Variants in PCDH15 observed in about 807,000 individuals in gnomAD.
The protein encoded by PCDH15 is protocadherin related 15.
A neutral mutation model predicts 178.5 loss-of-function variants in PCDH15; 129 were observed. The observed-to-expected ratio is 0.72, with a 90% CI of 0.63 to 0.84. The LOEUF (loss-of-function observed/expected upper bound fraction) is 0.84. PCDH15 is among the 40% of genes least tolerant of loss of function. The pLI, the probability that PCDH15 is intolerant of heterozygous loss-of-function variation, is 0.00. For missense variants in PCDH15, 2,230 were observed against 2,099.9 expected (o/e 1.06, Z -1.21); for synonymous variants, 800 against 732.0 (o/e 1.09, Z -1.50).
intron 2 of PCDH15, among the ~76,000 whole-genome samples, chr10:55,592,826 G>C (rs894255448): frequency 4.0e-5 from 6 of 151,810 alleles, no homozygotes; most frequent in Non-Finnish European, 7.4e-5. Context: ...AATTAGATTT[G>C]CATTTCTTAT....
At chr10:55,238,008 T>G (rs1564920766) in intron 1 of PCDH15, among the ~76,000 whole-genome samples, 1 of 152,112 alleles carries the variant, frequency 6.6e-6, no homozygotes, top group Non-Finnish European at 1.5e-5. Flanking sequence ...TTTTATCATT[T>G]GAATTTAAAT....
At chr10:54,184,415 C>T (rs2016919) in intron 12 of PCDH15, among the ~76,000 whole-genome samples, 40,952 of 151,876 alleles carry the variant, frequency 0.27, 6,308 homozygotes, top group Non-Finnish European at 0.36. Context: ...GTCAACCCTA[C>T]TATACTTGTT....
chr10:54,173,094 G>A (rs2047074974), intron 13 of PCDH15, among the ~76,000 whole-genome samples: 1 of 152,090 alleles, frequency 6.6e-6, no homozygotes, highest in Admixed American at 6.6e-5. Flanking sequence ...TTTATCAAAT[G>A]GGAAACCTCA....
chr10:55,582,354 C>T (rs999141372), intron 2 of PCDH15, among the ~76,000 whole-genome samples: 2 of 151,972 alleles, frequency 1.3e-5, no homozygotes, highest in African/African-American at 2.4e-5. Flanking sequence ...TTCCTAGGAT[C>T]GCCTTCCCCA....
At chr10:55,621,879 TA>T (rs923636804) in intron 2 of PCDH15, among the ~76,000 whole-genome samples, 105 of 150,648 alleles carry the variant, frequency 7.0e-4, no homozygotes, top group African/African-American at 2.4e-3. Context: ...TATACTAACA[TA>T]TACATGATTT....
chr10:54,808,075 T>C (rs1391380994), intron 3 of PCDH15, among the ~76,000 whole-genome samples: 3 of 152,176 alleles, frequency 2.0e-5, no homozygotes, highest in Non-Finnish European at 4.4e-5. Context: ...TAGATGCATT[T>C]ATCTAAATAT....
chr10:53,948,568 TA>T (rs2134155230), intron 23 of PCDH15, among the ~76,000 whole-genome samples: 1 of 152,306 alleles, frequency 6.6e-6, no homozygotes, highest in African/African-American at 2.4e-5. Context: ...GCACAGCTAT[TA>T]AGCACCGGAG....
At chr10:54,235,490 C>T (rs1342099876) in intron 9 of PCDH15, among the ~76,000 whole-genome samples, 3 of 152,148 alleles carry the variant, frequency 2.0e-5, no homozygotes, top group Admixed American at 6.5e-5. Context: ...GCACATGCTG[C>T]ATTATCTATA....
chr10:55,377,118 A>T (rs532562490), intron 2 of PCDH15, among the ~76,000 whole-genome samples: 4 of 149,968 alleles, frequency 2.7e-5, no homozygotes, highest in African/African-American at 9.8e-5. Flanking sequence ...CTTCTTGGCT[A>T]TTAACTTTGT....
chr10:54,006,675 C>T (rs564253880), intron 20 of PCDH15, among the ~76,000 whole-genome samples: 2 of 152,238 alleles, frequency 1.3e-5, no homozygotes, highest in South Asian at 2.1e-4. Flanking sequence ...GTACTGGGCA[C>T]TGAGTTTTCA....
At chr10:54,574,725 T>A (rs1400703926) in intron 2 of PCDH15, among the ~76,000 whole-genome samples, 1 of 150,364 alleles carries the variant, frequency 6.7e-6, no homozygotes, top group Non-Finnish European at 1.5e-5. Context: ...GTTCAACCAT[T>A]GTGGAAGTCA....
At chr10:53,870,402 A>T (rs2079753403) in intron 26 of PCDH15, among the ~76,000 whole-genome samples, 1 of 152,128 alleles carries the variant, frequency 6.6e-6, no homozygotes, top group Non-Finnish European at 1.5e-5. Context: ...TACTGGAATT[A>T]AAAAAAATAA....
chr10:55,024,397 G>T lies in PCDH15; in HGVS notation c.-79-126897C>A, dbSNP rs1046025107. Among the ~76,000 whole-genome samples the T allele has an allele frequency of 2.2e-4, 33 of 147,402 alleles. 1 individual carries two copies. Among genetic ancestry groups the T allele is most frequent in the African/African-American group, 7.9e-4 (32 of 40,450 alleles). On this transcript the variant is annotated intron_variant, in intron 2 of 5. Coordinates refer to the PCDH15 transcript ENST00000458638. ...TGTGTGTGTACACAGATATACATCT[G>T]AATCAGATTTCATATATATATAGAA...
intron 37 of PCDH15, chr10:53,808,711 C>A (rs1447525275): frequency 5.6e-6 from 9 of 1,612,860 alleles, no homozygotes; most frequent in Non-Finnish European, 7.6e-6. Flanking sequence ...TGTGTTGTAA[C>A]CTTCAGAGTT....
chr10:55,354,002 C>A (rs190956216), intron 2 of PCDH15, among the ~76,000 whole-genome samples: 1 of 151,984 alleles, frequency 6.6e-6, no homozygotes, highest in Admixed American at 6.6e-5. Context: ...TATTTCCTTG[C>A]CCAACACCCC....
chr10:54,109,342 A>G (rs1209549432), intron 15 of PCDH15, among the ~76,000 whole-genome samples: 2 of 152,194 alleles, frequency 1.3e-5, no homozygotes, highest in African/African-American at 4.8e-5. Context: ...AATAAGCTCA[A>G]TAAATGGTCC....
At chr10:54,305,969 A>AG (rs2060442739) in intron 8 of PCDH15, among the ~76,000 whole-genome samples, 10 of 152,034 alleles carry the variant, frequency 6.6e-5, no homozygotes, top group Admixed American at 6.6e-4. Flanking sequence ...AAGATAGTGT[A>AG]GGACCTTACA....
intron 2 of PCDH15, among the ~76,000 whole-genome samples, chr10:54,921,041 T>C (rs1047423130): frequency 6.6e-6 from 1 of 152,200 alleles, no homozygotes; most frequent in African/African-American, 2.4e-5. Context: ...ATGATCCTCA[T>C]TTCATGTGCA....
chr10:54,322,628 T>A (rs1322164127), intron 7 of PCDH15, among the ~76,000 whole-genome samples: 1 of 147,172 alleles, frequency 6.8e-6, no homozygotes, highest in Non-Finnish European at 1.5e-5. Flanking sequence ...TGATATTAAA[T>A]TAGTAATAAG....
Sources: gnomAD v4.1 joint callset for allele counts (sites outside exome capture counted in the v4.1 genomes callset) on GRCh38, gnomAD v4.1.1 for gene constraint, MANE v1.5 for transcripts, NCBI Gene and HGNC (gene_info 2026-07-23, HGNC 2026-07-21) for gene names.